The following CHD6 variants were observed in gnomAD, a reference collection of about 807,000 sequenced individuals.
The protein encoded by CHD6 is chromodomain helicase DNA binding protein 6, also known as ATP-dependent chromatin remodeler CHD6.
In CHD6, 50 loss-of-function variants were observed where a neutral mutation model predicts 276.9. That is an observed-to-expected ratio of 0.18 (90% CI 0.14 to 0.23). The LOEUF (loss-of-function observed/expected upper bound fraction) is 0.23, where lower values mean the gene tolerates loss of function less well. Among genes scored for constraint, CHD6 ranks in the 10% least tolerant of loss-of-function variants. CHD6 has a pLI of 1.00. For synonymous variants in CHD6, 1,173 were observed against 1,229.3 expected (o/e 0.95, Z 0.96); for missense variants, 2,564 against 3,365.8 (o/e 0.76, Z 5.89).
In CHD6 at chr20:41,419,554, C is replaced by CAAAAAAAAAAAAAAA. The variant is rs58696183; in HGVS notation, c.6127+939_6127+953dup. On this transcript the variant is annotated intron_variant, in intron 31 of 36. Coordinates refer to ENST00000373233, the MANE Select transcript of CHD6 (RefSeq NM_032221.5). ...TGGGTGACAGAGCAAGACTCTGTCTCAAAAAAAAAAAAAAAAAAAAAAAAA... is the reference window on the plus strand; with the variant it reads ...TGGGTGACAGAGCAAGACTCTGTCTCAAAAAAAAAAAAAAAAAAAAAAAAAAAAAAAAAAAAAAAA... Among the ~76,000 whole-genome samples, 14 of 23,468 alleles carry CAAAAAAAAAAAAAAA rather than the reference C, an allele frequency of 6.0e-4. 3 individuals are homozygous for CAAAAAAAAAAAAAAA. The highest frequency in any genetic ancestry group is 6.6e-4 in the Non-Finnish European group (9 of 13,636). 15.4% of individuals were successfully genotyped at this position (23,468 alleles called of 152,430 possible). A position where few individuals can be genotyped will look rare whatever the true frequency, so the allele number is the denominator to read the frequency against.
intron 2 of CHD6, among the ~76,000 whole-genome samples, chr20:41,539,287 T>C (rs1412950972): frequency 6.6e-6 from 1 of 152,226 alleles, no homozygotes. Flanking sequence ...TGTTATTTCA[T>C]GTTTTGTTAT....
chr20:41,598,928 C>T (rs895589108), intron 1 of CHD6, among the ~76,000 whole-genome samples: 62 of 152,052 alleles, frequency 4.1e-4, no homozygotes, highest in African/African-American at 1.4e-3. Context: ...GCAAAAAGGA[C>T]AATCACAAAA....
At chr20:41,563,558 G>A (rs1273955820) in intron 1 of CHD6, among the ~76,000 whole-genome samples, 1 of 152,010 alleles carries the variant, frequency 6.6e-6, no homozygotes, top group African/African-American at 2.4e-5. Context: ...AATTCAAGAG[G>A]AGAAATACCA....
chr20:41,469,806 T>C (rs2043012486), intron 17 of CHD6, among the ~76,000 whole-genome samples: 1 of 152,226 alleles, frequency 6.6e-6, no homozygotes, highest in Non-Finnish European at 1.5e-5. Flanking sequence ...TAAAAATTGG[T>C]TTTCCTTTTA....
At chr20:41,617,827 C>T (rs2045948588) in intron 1 of CHD6, among the ~76,000 whole-genome samples, 1 of 151,812 alleles carries the variant, frequency 6.6e-6, no homozygotes. Flanking sequence ...CTCCTCCACC[C>T]CTGCAAACAG....
intron 27 of CHD6, 90 bp downstream of exon 27, chr20:41,437,184 A>G (rs767418619): frequency 7.4e-5 from 73 of 986,428 alleles, no homozygotes; most frequent in Non-Finnish European, 1.1e-4. Context: ...TAGTAATGCA[A>G]TCAAGTTCCC....
At chr20:41,417,112 AG>A in intron 32 of CHD6, 85 bp downstream of exon 32, 1 of 1,255,418 alleles carries the variant, frequency 8.0e-7, no homozygotes, top group Non-Finnish European at 1.1e-6. Flanking sequence ...TTTCTTGTTC[AG>A]AACTATTTCT....
At chr20:41,479,441 G>A (rs552847353) in intron 16 of CHD6, among the ~76,000 whole-genome samples, 8 of 152,122 alleles carry the variant, frequency 5.3e-5, no homozygotes, top group South Asian at 4.2e-4. Context: ...TGCACACAGG[G>A]AGCAGCAATG....
chr20:41,527,788 T>G (rs190881273), intron 3 of CHD6, among the ~76,000 whole-genome samples: 21 of 152,336 alleles, frequency 1.4e-4, no homozygotes, highest in Non-Finnish European at 2.5e-4. Context: ...TCATGTCCAA[T>G]GCAGCAGTGT....
At chr20:41,461,032 G>C (rs2048530840) in intron 17 of CHD6, among the ~76,000 whole-genome samples, 1 of 152,242 alleles carries the variant, frequency 6.6e-6, no homozygotes, top group African/African-American at 2.4e-5. Flanking sequence ...AGTCAAAGGA[G>C]ATCATTTTGG....
chr20:41,431,188 G>T (rs1244151360), intron 27 of CHD6, among the ~76,000 whole-genome samples: 2 of 152,130 alleles, frequency 1.3e-5, no homozygotes, highest in Admixed American at 6.5e-5. Context: ...TGTTACCGGG[G>T]TCTGAGGCTT....
chr20:41,581,728 T>C (rs984813624), intron 1 of CHD6, among the ~76,000 whole-genome samples: 1 of 151,542 alleles, frequency 6.6e-6, no homozygotes. Context: ...AGGAGCAAAC[T>C]GAAAAAGTAA....
chr20:41,515,906 A>G (rs983375079), intron 3 of CHD6, among the ~76,000 whole-genome samples: 1 of 152,222 alleles, frequency 6.6e-6, no homozygotes, highest in Non-Finnish European at 1.5e-5. Context: ...AAGCCTTAAA[A>G]CTGCTTTTTA....
intron 27 of CHD6, among the ~76,000 whole-genome samples, chr20:41,428,374 C>G (rs1157385681): frequency 6.6e-6 from 1 of 152,152 alleles, no homozygotes; most frequent in Non-Finnish European, 1.5e-5. Flanking sequence ...CATGCAGAGG[C>G]CCTGCATCTG....
At chr20:41,604,430 T>C (rs943909799) in intron 1 of CHD6, among the ~76,000 whole-genome samples, 2 of 152,170 alleles carry the variant, frequency 1.3e-5, no homozygotes, top group Non-Finnish European at 2.9e-5. Context: ...AGGAACTACA[T>C]AATGACTGGT....
In CHD6 at chr20:41,491,077, AT is replaced by A. The variant is rs1318484021; in HGVS notation, c.1436+620del. 2.6e-5 allele frequency among the ~76,000 whole-genome samples: 4 copies of A among 152,220 alleles called. No homozygotes were observed. The East Asian group carries it at 5.8e-4, about 22-fold the overall frequency. On this transcript the variant is annotated intron_variant, in intron 11 of 36. Transcript: ENST00000373233. Reference sequence around the variant, plus strand: ...GGTGGGTGATGTGAAGGCCGAGGACATTACCGCACACCACTGTAGACATTAT... The same window carrying A: ...GGTGGGTGATGTGAAGGCCGAGGACATACCGCACACCACTGTAGACATTAT...
chr20:41,533,272 C>G lies in CHD6; in HGVS notation c.332G>C (p.Ser111Thr). 6.2e-7 allele frequency: 1 copy of G among 1,613,756 alleles called. No individual in the cohort carries two copies. The change falls in exon 3 of 37, where the codon AGC (serine) becomes ACC (threonine). Residue 111 changes from serine to threonine, a missense_variant. Physicochemically the swap from Ser to Thr is moderately conservative, Grantham distance 58. Around this residue, in one of 7 missense-constraint regions of CHD6, gnomAD observed 286 missense variants for 297.8 expected, o/e 0.96. Coordinates refer to ENST00000373233, the MANE Select transcript of CHD6 (RefSeq NM_032221.5). ...PGDQEGAAKG[S>T]KDREPKPKRK... ...CTTTGGCTTGGGCTCTCTGTCCTTG[C>G]TTCCCTTTGCTGCACCCTCTTGGTC...
chr20:41,404,903 A>G lies in CHD6; in HGVS notation c.7838T>C (p.Leu2613Pro). The change falls in exon 37 of 37, where the codon CTC becomes CCC. Residue 2613 changes from leucine to proline, a missense_variant. Leu to Pro is a moderately conservative substitution (Grantham distance 98). This residue lies in a region of CHD6 where 238 missense variants were observed against 266.0 expected (regional missense o/e 0.89). Coordinates refer to ENST00000373233, the MANE Select transcript of CHD6 (RefSeq NM_032221.5). ...TSSPVAFNPF[L>P]IPGVSPGLIY... ...GAGTCCAGGAGATACTCCTGGGATG[A>G]GAAATGGGTTAAAAGCCACAGGACT... 1 of 1,614,160 alleles carries G rather than the reference A, an allele frequency of 6.2e-7. No homozygotes were observed. The highest frequency in any genetic ancestry group is 8.5e-7 in the Non-Finnish European group (1 of 1,180,016).
Position 41,416,620 on chromosome 20 carries a change from T to A in CHD6, c.6454A>T (p.Asn2152Tyr), listed in dbSNP as rs776721904. Residue 2152 changes from asparagine (N) to tyrosine (Y), a missense_variant, in exon 33 of 37, where the codon AAC becomes TAC. By Grantham distance (143) the Asn-to-Tyr change is moderately radical. Transcript: ENST00000373233. Reference sequence around the variant, plus strand: ...ATCTGGGCCGCCAATGCTGCGCCGTTGCTGAAGCTGTGTTCTGCTGCTTCC... The same window carrying A: ...ATCTGGGCCGCCAATGCTGCGCCGTAGCTGAAGCTGTGTTCTGCTGCTTCC... ...EPEAAEHSFS[N>Y]GAALAAQIHK... 6.2e-7 allele frequency: 1 copy of A among 1,613,526 alleles called. No homozygotes were observed. The highest frequency in any genetic ancestry group is 1.1e-5 in the South Asian group (1 of 91,042).
Sources: allele counts gnomAD v4.1 joint callset (sites outside exome capture counted in the v4.1 genomes callset), GRCh38; gene constraint gnomAD v4.1.1; regional missense constraint gnomAD v4.1.1; transcripts MANE v1.5; gene names NCBI Gene and HGNC (gene_info 2026-07-23, HGNC 2026-07-21).